Variants in ACSM6 observed in about 807,000 individuals in gnomAD.
ACSM6 encodes the protein acyl-coenzyme A synthetase ACSM6, mitochondrial.
A neutral mutation model predicts 51.1 loss-of-function variants in ACSM6; 35 were observed. The ratio of observed to expected loss-of-function variants is 0.69; its 90% CI spans 0.52 to 0.91. ACSM6 has a LOEUF of 0.91. ACSM6 is among the 40% of genes least tolerant of loss of function. The pLI, the probability that ACSM6 is intolerant of heterozygous loss-of-function variation, is 0.00. For synonymous variants in ACSM6, 172 were observed against 207.3 expected (o/e 0.83, Z 1.46); for missense variants, 509 against 584.1 (o/e 0.87, Z 1.32).
At chr10:95,225,522 C>A in intron 10 of ACSM6, 131 bp downstream of exon 10, 1 of 597,304 alleles carries the variant, frequency 1.7e-6, no homozygotes, top group Non-Finnish European at 2.8e-6. Flanking sequence ...TTTGAGTCTC[C>A]AAAAATGTTA....
At chr10:95,217,563 A>G (rs757508005) in intron 8 of ACSM6, among the ~76,000 whole-genome samples, 34 of 152,124 alleles carry the variant, frequency 2.2e-4, no homozygotes, top group Non-Finnish European at 4.1e-4. Flanking sequence ...TTTGTTTTAT[A>G]TATTACTACT....
At chr10:95,212,820 C>G in intron 6 of ACSM6, 38 bp from the exon 7 acceptor site, 1 of 1,497,758 alleles carries the variant, frequency 6.7e-7, no homozygotes, top group Non-Finnish European at 9.3e-7. Context: ...TCTCCCACCT[C>G]ACATGCAGAT....
At chr10:95,219,823 G>C (rs2034979382) in intron 8 of ACSM6, 68 bp from the exon 9 acceptor site, 1 of 1,175,886 alleles carries the variant, frequency 8.5e-7, no homozygotes, top group Non-Finnish European at 1.3e-6. Context: ...GTCTGGTTAT[G>C]ATCAATAACT....
chr10:95,224,770 T>A (rs1321961064), intron 9 of ACSM6, among the ~76,000 whole-genome samples: 2 of 152,218 alleles, frequency 1.3e-5, no homozygotes, highest in Non-Finnish European at 2.9e-5. Context: ...TAGGAAAAAA[T>A]AACACCACCT....
chr10:95,200,820 T>C (rs1454979946), intron 2 of ACSM6, among the ~76,000 whole-genome samples: 1 of 135,526 alleles, frequency 7.4e-6, no homozygotes, highest in Non-Finnish European at 1.6e-5. Flanking sequence ...GGGAAAGAGA[T>C]GAGAGAGAGA....
intron 3 of ACSM6, 53 bp downstream of exon 3, chr10:95,202,248 C>A: frequency 2.2e-6 from 3 of 1,391,596 alleles, no homozygotes; most frequent in Non-Finnish European, 3.0e-6. Context: ...GAATCCCAGC[C>A]TCAGTTATTC....
At chr10:95,196,856 T>C (rs1424645389) in intron 2 of ACSM6, among the ~76,000 whole-genome samples, 1 of 152,242 alleles carries the variant, frequency 6.6e-6, no homozygotes, top group Non-Finnish European at 1.5e-5. Flanking sequence ...TTATAAAGTA[T>C]TTCATTGAGT....
intron 4 of ACSM6, among the ~76,000 whole-genome samples, chr10:95,208,980 A>T (rs1470029069): frequency 6.7e-6 from 1 of 150,296 alleles, no homozygotes; most frequent in Non-Finnish European, 1.5e-5. Flanking sequence ...GAGACAGTCA[A>T]ACCCCGACCC....
intron 10 of ACSM6, chr10:95,226,019 T>G (rs184984748): frequency 6.6e-6 from 1 of 152,350 alleles, no homozygotes; most frequent in Admixed American, 6.5e-5. Context: ...AAGACTATTA[T>G]GTAGATGATG....
intron 2 of ACSM6, among the ~76,000 whole-genome samples, chr10:95,197,721 C>G (rs1209647464): frequency 4.6e-5 from 7 of 152,224 alleles, no homozygotes; most frequent in African/African-American, 1.7e-4. Context: ...TCCTCTATCT[C>G]AACTGCAAGA....
intron 3 of ACSM6, 142 bp from the exon 4 acceptor site, chr10:95,207,066 T>C: frequency 1.4e-6 from 1 of 715,582 alleles, no homozygotes; most frequent in Admixed American, 2.7e-5. Context: ...CCAGTCGCCA[T>C]CGTGTTACTG....
At chr10:95,206,416 T>A (rs1014023831) in intron 3 of ACSM6, among the ~76,000 whole-genome samples, 7 of 152,198 alleles carry the variant, frequency 4.6e-5, no homozygotes, top group African/African-American at 1.4e-4. Flanking sequence ...TGATAGATAT[T>A]TAGGTTGTTT....
At chr10:95,196,958 T>C (rs957463102) in intron 2 of ACSM6, among the ~76,000 whole-genome samples, 3 of 152,206 alleles carry the variant, frequency 2.0e-5, no homozygotes, top group Non-Finnish European at 4.4e-5. Flanking sequence ...GAAATGAATA[T>C]CTTTGTGTAT....
chr10:95,205,801 C>T (rs1387445237), intron 3 of ACSM6, among the ~76,000 whole-genome samples: 2 of 152,152 alleles, frequency 1.3e-5, no homozygotes, highest in African/African-American at 4.8e-5. Context: ...AAGAAAGATA[C>T]TTCTTTGTGT....
At position 95,206,850 on chromosome 10, in the gene ACSM6, C is replaced by T. The variant is rs79647006; in HGVS notation, c.404-358C>T. 2.3e-4 allele frequency among the ~76,000 whole-genome samples: 35 copies of T among 152,304 alleles called. No homozygotes were observed. The East Asian group carries it at 6.4e-3, about 28-fold the overall frequency. The stretch of plus-strand genomic sequence containing the variant: ...AGAAATCCACAGCAAAAGCCATTCT[C>T]AAGCCATGAGAAAACAACAAAGAGG... On this transcript the variant is annotated intron_variant, in intron 3 of 10. Transcript: ENST00000341686.
rs1203774920 is a variant in ACSM6, at chr10:95,212,771, G to A, written c.913-87G>A. The A allele has an allele frequency of 1.0e-5, 11 of 1,053,516 alleles. No individual in the cohort carries two copies. The East Asian group carries it at 2.6e-4, about 25-fold the overall frequency. 65.3% of individuals were successfully genotyped at this position (1,053,516 alleles called of 1,614,324 possible). On this transcript the variant is annotated intron_variant, in intron 6 of 10. Transcript: ENST00000341686. ...TTCAAAGTCTGTGACCCTCTTCCCTGGACTTTCCCGCCTGGACCCCTGCCA... is the reference window on the plus strand; with the variant it reads ...TTCAAAGTCTGTGACCCTCTTCCCTAGACTTTCCCGCCTGGACCCCTGCCA...
chr10:95,222,752 T>C (rs1564592007), intron 9 of ACSM6, among the ~76,000 whole-genome samples: 1 of 152,080 alleles, frequency 6.6e-6, no homozygotes, highest in East Asian at 1.9e-4. Context: ...AGACAGTAAC[T>C]ACTAGAGATC....
At chr10:95,207,355 C>G in exon 4 of ACSM6, 1 of 1,614,146 alleles carries the variant, frequency 6.2e-7, no homozygotes, top group Non-Finnish European at 8.5e-7. Flanking sequence ...ACCTTGAAAA[C>G]CAAGCTCCTG....
intron 3 of ACSM6, among the ~76,000 whole-genome samples, chr10:95,203,523 T>TGAATGAGCTTGG (rs1372648615): frequency 6.6e-6 from 1 of 152,084 alleles, no homozygotes; most frequent in Non-Finnish European, 1.5e-5. Flanking sequence ...AGAGTCACCC[T>TGAATGAGCTTGG]GAATGAGCTT....
Sources: allele counts gnomAD v4.1 joint callset (sites outside exome capture counted in the v4.1 genomes callset), GRCh38; gene constraint gnomAD v4.1.1; transcripts MANE v1.5; gene names NCBI Gene and HGNC (gene_info 2026-07-23, HGNC 2026-07-21).